The following ABCB4 variants were observed in gnomAD, a reference collection of about 807,000 sequenced individuals.
ABCB4 encodes the protein phosphatidylcholine translocator ABCB4.
Under a neutral mutation model 145.7 loss-of-function variants are expected in ABCB4, and 76 were observed. That is an observed-to-expected ratio of 0.52 (90% CI 0.43 to 0.63). The LOEUF (loss-of-function observed/expected upper bound fraction) is 0.63, where lower values mean the gene tolerates loss of function less well. Among genes scored for constraint, ABCB4 ranks in the 30% least tolerant of loss-of-function variants. The probability of loss-of-function intolerance (pLI) is 0.00; values close to 1 mark genes in which losing one functional copy is unlikely to be tolerated. For synonymous variants in ABCB4, 517 were observed against 566.8 expected (o/e 0.91, Z 1.25); for missense variants, 1,234 against 1,553.1 (o/e 0.79, Z 3.45).
At chr7:87,436,943 T>C (rs1417904272) in intron 14 of ABCB4, among the ~76,000 whole-genome samples, 1 of 152,214 alleles carries the variant, frequency 6.6e-6, no homozygotes, top group Non-Finnish European at 1.5e-5. Context: ...TCATCTGTAT[T>C]AGACCACATG....
intron 2 of ABCB4, among the ~76,000 whole-genome samples, chr7:87,473,997 T>C (rs1178001205): frequency 6.6e-6 from 1 of 152,262 alleles, no homozygotes; most frequent in African/African-American, 2.4e-5. Context: ...TTTGGTCTGC[T>C]TTTATAAAAA....
chr7:87,456,272 A>G (rs571946135), intron 4 of ABCB4, among the ~76,000 whole-genome samples: 8 of 152,278 alleles, frequency 5.3e-5, no homozygotes, highest in South Asian at 4.1e-4. Flanking sequence ...AATTCTCTCA[A>G]TAAGGATACT....
At chr7:87,375,836 A>G in the ABCB4 span, 3 of 1,613,390 alleles carry the variant, frequency 1.9e-6, no homozygotes, top group African/African-American at 4.0e-5. Flanking sequence ...AGGCACGAGA[A>G]TATCTGATTG....
At chr7:87,454,040 T>C (rs1164627395) in intron 5 of ABCB4, among the ~76,000 whole-genome samples, 1 of 152,204 alleles carries the variant, frequency 6.6e-6, no homozygotes, top group East Asian at 1.9e-4. Context: ...AATAAGTACA[T>C]ATCAATACTT....
At chr7:87,391,718 T>C in the ABCB4 span, 1 of 1,599,434 alleles carries the variant, frequency 6.3e-7, no homozygotes, top group Non-Finnish European at 8.5e-7. Context: ...TCAATGTGAG[T>C]ATTGGAAAGG....
intron 20 of ABCB4, 98 bp downstream of exon 20, chr7:87,418,439 A>G (rs1345281315): frequency 2.4e-5 from 28 of 1,157,386 alleles, no homozygotes; most frequent in Non-Finnish European, 3.6e-5. Flanking sequence ...GCTTTCTGCT[A>G]TTTCTAGCTG....
chr7:87,393,079 C>G, the ABCB4 span: 1 of 1,610,028 alleles, frequency 6.2e-7, no homozygotes, highest in Non-Finnish European at 8.5e-7. Context: ...TGAGGCTTCT[C>G]TTTTTTATTC....
At chr7:87,472,495 A>T in intron 3 of ABCB4, 126 bp downstream of exon 3, 1 of 844,654 alleles carries the variant, frequency 1.2e-6, no homozygotes, top group Non-Finnish European at 1.9e-6. Context: ...AAGTGCTGGG[A>T]TTACAAGTAT....
chr7:87,430,313 A>G lies in ABCB4; in HGVS notation c.1893+1091T>C, dbSNP rs144440146. ...ATATCTGAAATGTTAAGAAAAAAGA[A>G]CAAAAATATGTGTGTACATGCTAAT... On this transcript the variant is annotated intron_variant, in intron 15 of 27. Coordinates refer to ENST00000649586, the MANE Select transcript of ABCB4 (RefSeq NM_000443.4). Among the ~76,000 whole-genome samples, 428 of 152,346 alleles carry G rather than the reference A, an allele frequency of 2.8e-3. 4 individuals are homozygous for G. The highest frequency in any genetic ancestry group is 9.8e-3 in the African/African-American group (408 of 41,578).
the ABCB4 span, chr7:87,392,806 C>A: frequency 9.9e-6 from 16 of 1,613,364 alleles, no homozygotes; most frequent in African/African-American, 4.0e-5. Context: ...TCTTTACGGA[C>A]CCACTTTTTT....
At chr7:87,398,310 T>C, downstream of ABCB4, 1 of 678,004 alleles carries the variant, frequency 1.5e-6, no homozygotes, top group East Asian at 2.9e-5. Flanking sequence ...TTCCCCTTTG[T>C]CCCTAGGTGC....
intron 3 of ABCB4, among the ~76,000 whole-genome samples, chr7:87,471,749 A>T (rs1451765354): frequency 1.3e-5 from 2 of 152,252 alleles, no homozygotes. Flanking sequence ...CATATTTCAA[A>T]TGAAAACCAG....
intron 16 of ABCB4, among the ~76,000 whole-genome samples, chr7:87,426,473 C>A (rs986633478): frequency 6.6e-6 from 1 of 152,142 alleles, no homozygotes; most frequent in African/African-American, 2.4e-5. Flanking sequence ...TACCTCTGGA[C>A]CTCAAAGATG....
chr7:87,461,104 C>G (rs898529198), intron 4 of ABCB4, among the ~76,000 whole-genome samples: 3 of 152,050 alleles, frequency 2.0e-5, no homozygotes, highest in Non-Finnish European at 4.4e-5. Flanking sequence ...AGCCACCATG[C>G]CTGGCTAATT....
At chr7:87,399,888 C>CTT (rs113493728), downstream of ABCB4, 8 of 152,232 alleles carry the variant, frequency 5.3e-5, 1 homozygote, top group African/African-American at 1.9e-4. Flanking sequence ...TTTCTCATTA[C>CTT]TTTGTCAGTT....
At chr7:87,381,673 C>T in the ABCB4 span, among the ~76,000 whole-genome samples, 2 of 152,180 alleles carry the variant, frequency 1.3e-5, no homozygotes, top group African/African-American at 4.8e-5. Flanking sequence ...CCCCAAGCCC[C>T]ACCAGAAGCC....
chr7:87,406,636 T>A, intron 25 of ABCB4, 142 bp from the exon 26 acceptor site: 1 of 873,356 alleles, frequency 1.1e-6, no homozygotes, highest in Non-Finnish European at 1.8e-6. Context: ...CTTATACCAT[T>A]GAGGCCAGCA....
chr7:87,398,002 A>T (rs1283417417), downstream of ABCB4, among the ~76,000 whole-genome samples: 3 of 152,002 alleles, frequency 2.0e-5, no homozygotes, highest in Non-Finnish European at 1.5e-5. Context: ...ATTTCTTATT[A>T]GGAGTATCTC....
chr7:87,393,974 A>T, the ABCB4 span, among the ~76,000 whole-genome samples: 4 of 152,214 alleles, frequency 2.6e-5, no homozygotes, highest in Non-Finnish European at 5.9e-5. Context: ...CATAAAATAT[A>T]TACAGATACT....
Sources: allele counts gnomAD v4.1 joint callset (sites outside exome capture counted in the v4.1 genomes callset), GRCh38; gene constraint gnomAD v4.1.1; transcripts MANE v1.5; gene names NCBI Gene and HGNC (gene_info 2026-07-23, HGNC 2026-07-21).